COL25A1: variants seen among roughly 807,000 people sequenced by gnomAD.
COL25A1 encodes the protein collagen type XXV alpha 1 chain, also known as collagen alpha-1(XXV) chain.
COL25A1 carries 103 observed loss-of-function variants against 128.4 expected under a neutral mutation model. That is an observed-to-expected ratio of 0.80 (90% confidence interval 0.68 to 0.94). The LOEUF (loss-of-function observed/expected upper bound fraction) is 0.94. COL25A1 is among the 40% of genes least tolerant of loss of function. The pLI is 0.00. For missense variants in COL25A1, 745 were observed against 840.0 expected (o/e 0.89, Z 1.40); for synonymous variants, 279 against 277.2 (o/e 1.01, Z -0.06).
intron 3 of COL25A1, among the ~76,000 whole-genome samples, chr4:109,051,620 TACACAC>T (rs61340199): frequency 1.4e-3 from 202 of 148,542 alleles, no homozygotes; most frequent in South Asian, 4.3e-3. Flanking sequence ...CACACATACA[TACACAC>T]ACACACACAC....
At chr4:109,069,227 T>A (rs921033899) in intron 3 of COL25A1, among the ~76,000 whole-genome samples, 3 of 151,504 alleles carry the variant, frequency 2.0e-5, no homozygotes, top group Non-Finnish European at 4.4e-5. Flanking sequence ...TTTTTTTTTT[T>A]AAGAGACAGG....
chr4:108,901,356 T>C (rs1229408543), intron 13 of COL25A1, among the ~76,000 whole-genome samples, 184 bp from the exon 14 acceptor site: 1 of 152,120 alleles, frequency 6.6e-6, no homozygotes, highest in African/African-American at 2.4e-5. Context: ...AAGGATACAA[T>C]GGGGTTAATT....
chr4:109,178,397 C>T (rs1053332221), intron 3 of COL25A1, among the ~76,000 whole-genome samples: 2 of 152,110 alleles, frequency 1.3e-5, no homozygotes, highest in African/African-American at 4.8e-5. Flanking sequence ...CAGTGGGAGC[C>T]TTGTACAGAA....
rs141065438 is a variant in COL25A1 at position 109,169,134 on chromosome 4, G to A, written c.368-118955C>T. ...TTATATAAATATATCCCCAAACTAC[G>A]TCTCTAGCCTCAGCTACTGTTCCAC... On this transcript the variant is annotated intron_variant, in intron 3 of 37. Coordinates refer to ENST00000399132, the MANE Select transcript of COL25A1 (RefSeq NM_198721.4). Among the ~76,000 whole-genome samples, 460 of 152,232 alleles carry A rather than the reference G, an allele frequency of 3.0e-3. 2 individuals are homozygous for A. The highest frequency in any genetic ancestry group is 5.6e-3 in the Non-Finnish European group (379 of 68,014).
At chr4:109,029,686 G>A (rs1205510578) in intron 5 of COL25A1, among the ~76,000 whole-genome samples, 1 of 152,134 alleles carries the variant, frequency 6.6e-6, no homozygotes, top group African/African-American at 2.4e-5. Flanking sequence ...GGCATCCACT[G>A]AGGGTTTTGG....
chr4:108,914,394 C>T (rs1260024728), intron 13 of COL25A1, among the ~76,000 whole-genome samples: 1 of 152,180 alleles, frequency 6.6e-6, no homozygotes, highest in Non-Finnish European at 1.5e-5. Context: ...AGGGCTCCTA[C>T]ATCAGCCCAC....
intron 3 of COL25A1, among the ~76,000 whole-genome samples, chr4:109,054,437 G>A (rs1031995039): frequency 4.6e-5 from 7 of 152,238 alleles, no homozygotes; most frequent in Admixed American, 4.6e-4. Context: ...TACTAAACAA[G>A]TGTTTCCTTC....
chr4:109,263,107 C>T (rs1486863534), intron 3 of COL25A1, among the ~76,000 whole-genome samples: 9 of 150,844 alleles, frequency 6.0e-5, no homozygotes, highest in African/African-American at 2.0e-4. Flanking sequence ...CCAGCCTGGG[C>T]GACAGAGCAA....
At chr4:109,163,266 T>C (rs1772750972) in intron 3 of COL25A1, among the ~76,000 whole-genome samples, 1 of 152,208 alleles carries the variant, frequency 6.6e-6, no homozygotes, top group South Asian at 2.1e-4. Context: ...ATTTTCAACC[T>C]ACGTGGTCAA....
At chr4:109,136,507 C>A (rs1769783024) in intron 3 of COL25A1, among the ~76,000 whole-genome samples, 1 of 152,222 alleles carries the variant, frequency 6.6e-6, no homozygotes, top group Admixed American at 6.5e-5. Flanking sequence ...TCAGGAAATG[C>A]ATCCTGAGGA....
At chr4:108,843,942 G>A (rs770881072) in intron 30 of COL25A1, among the ~76,000 whole-genome samples, 4 of 151,792 alleles carry the variant, frequency 2.6e-5, no homozygotes, top group Non-Finnish European at 4.4e-5. Flanking sequence ...CTGTCTCCCA[G>A]GCTAAAGGGC....
At chr4:108,965,450 T>A (rs1439928918) in intron 8 of COL25A1, among the ~76,000 whole-genome samples, 1 of 152,250 alleles carries the variant, frequency 6.6e-6, no homozygotes, top group Non-Finnish European at 1.5e-5. Context: ...GTTTCTTCAT[T>A]TTATTGCCTA....
At chr4:108,838,160 C>T in intron 31 of COL25A1, 4 of 1,550,302 alleles carry the variant, frequency 2.6e-6, no homozygotes, top group South Asian at 1.2e-5. Context: ...CCTTTAACAC[C>T]ATTTAACCCT....
intron 3 of COL25A1, among the ~76,000 whole-genome samples, chr4:109,189,194 T>C (rs981769950): frequency 6.6e-6 from 1 of 152,150 alleles, no homozygotes; most frequent in Non-Finnish European, 1.5e-5. Context: ...TTTGATTATT[T>C]CTTTAAGATA....
chr4:109,166,846 T>C (rs1047000546), intron 3 of COL25A1, among the ~76,000 whole-genome samples: 3 of 152,198 alleles, frequency 2.0e-5, no homozygotes, highest in Admixed American at 2.0e-4. Context: ...GTGAAATTCC[T>C]TTTTGTAATT....
intron 3 of COL25A1, among the ~76,000 whole-genome samples, chr4:109,267,994 A>G (rs1781905079): frequency 6.6e-6 from 1 of 152,206 alleles, no homozygotes; most frequent in Non-Finnish European, 1.5e-5. Flanking sequence ...GCATTGTAGG[A>G]GAAATAATTT....
At chr4:108,991,098 G>T (rs1394169310) in intron 6 of COL25A1, among the ~76,000 whole-genome samples, 1 of 152,164 alleles carries the variant, frequency 6.6e-6, no homozygotes, top group Non-Finnish European at 1.5e-5. Context: ...ATTGTATAAA[G>T]ATGCAGTAAT....
chr4:109,221,533 G>T (rs569393545), intron 3 of COL25A1, among the ~76,000 whole-genome samples: 1 of 152,272 alleles, frequency 6.6e-6, no homozygotes, highest in Admixed American at 6.5e-5. Context: ...TACTTCATTT[G>T]TAATACATAA....
At chr4:109,166,579 C>T (rs1773094055) in intron 3 of COL25A1, among the ~76,000 whole-genome samples, 1 of 152,170 alleles carries the variant, frequency 6.6e-6, no homozygotes, top group South Asian at 2.1e-4. Context: ...GCTATGTCTT[C>T]CTAAGCCCCA....
Sources: allele counts gnomAD v4.1 joint callset (sites outside exome capture counted in the v4.1 genomes callset), GRCh38; gene constraint gnomAD v4.1.1; transcripts MANE v1.5; gene names NCBI Gene and HGNC (gene_info 2026-07-23, HGNC 2026-07-21).